MYO1B: variants seen among roughly 807,000 people sequenced by gnomAD.
MYO1B encodes the protein myosin IB, also known as unconventional myosin-Ib.
Under a neutral mutation model 159.7 loss-of-function variants are expected in MYO1B, and 72 were observed. The ratio of observed to expected loss-of-function variants is 0.45; its 90% CI spans 0.37 to 0.55. The LOEUF (loss-of-function observed/expected upper bound fraction) is 0.55. Ranked by LOEUF, MYO1B falls within the 20% of genes least tolerant of loss-of-function variation. The pLI, the probability that MYO1B is intolerant of heterozygous loss-of-function variation, is 0.00. For synonymous variants in MYO1B, 468 were observed against 473.8 expected (o/e 0.99, Z 0.16); for missense variants, 1,062 against 1,364.8 (o/e 0.78, Z 3.50).
chr2:191,403,647 G>C (rs904703338), intron 24 of MYO1B, among the ~76,000 whole-genome samples: 2 of 152,014 alleles, frequency 1.3e-5, no homozygotes, highest in African/African-American at 4.8e-5. Context: ...ATCCTGCTTT[G>C]AACAATCTGC....
intron 6 of MYO1B, 43 bp from the exon 7 acceptor site, chr2:191,350,118 AT>A: frequency 6.6e-7 from 1 of 1,523,386 alleles, no homozygotes. Context: ...CTGAGTTAAC[AT>A]TTTGAGATGA....
chr2:191,392,234 A>C, intron 19 of MYO1B, 33 bp downstream of exon 19: 1 of 1,503,128 alleles, frequency 6.7e-7, no homozygotes, highest in Non-Finnish European at 9.1e-7. Flanking sequence ...CTCTGAACTT[A>C]AGTTGGAATC....
chr2:191,384,046 T>G (rs528894326), intron 15 of MYO1B, among the ~76,000 whole-genome samples: 1 of 152,326 alleles, frequency 6.6e-6, no homozygotes, highest in Middle Eastern at 3.4e-3. Flanking sequence ...CTGGAATTTT[T>G]CGGATGACCC....
chr2:191,305,403 G>T (rs1468296796), intron 3 of MYO1B, among the ~76,000 whole-genome samples: 1 of 152,184 alleles, frequency 6.6e-6, no homozygotes, highest in Non-Finnish European at 1.5e-5. Context: ...GCGGAACTGA[G>T]GGTGGTGATG....
At chr2:191,311,095 A>G (rs1689975264) in intron 3 of MYO1B, among the ~76,000 whole-genome samples, 1 of 152,322 alleles carries the variant, frequency 6.6e-6, no homozygotes, top group South Asian at 2.1e-4. Context: ...CATTGGATGC[A>G]TAGGTGATCA....
chr2:191,296,460 T>A (rs1688991408), intron 3 of MYO1B, among the ~76,000 whole-genome samples: 1 of 152,224 alleles, frequency 6.6e-6, no homozygotes, highest in African/African-American at 2.4e-5. Flanking sequence ...GTAAAATATT[T>A]TCTGTTCAAA....
intron 30 of MYO1B, among the ~76,000 whole-genome samples, chr2:191,419,412 G>A (rs1697792684): frequency 6.6e-6 from 1 of 152,062 alleles, no homozygotes; most frequent in African/African-American, 2.4e-5. Flanking sequence ...TAGAGGTGGG[G>A]TTTCATCGTG....
chr2:191,292,761 T>C (rs1688760322), intron 2 of MYO1B, among the ~76,000 whole-genome samples: 1 of 148,170 alleles, frequency 6.7e-6, no homozygotes, highest in Non-Finnish European at 1.5e-5. Context: ...CTTAGGATTT[T>C]ATTTTTGGTT....
chr2:191,302,050 G>C (rs1439351762), intron 3 of MYO1B, among the ~76,000 whole-genome samples: 1 of 152,144 alleles, frequency 6.6e-6, no homozygotes, highest in African/African-American at 2.4e-5. Context: ...TTGAGCCAGA[G>C]CCATTCATGT....
In MYO1B at chr2:191,345,925, C is replaced by G. The variant is rs573213551; in HGVS notation, c.452-311C>G. 4.6e-5 allele frequency among the ~76,000 whole-genome samples: 7 copies of G among 152,254 alleles called. No homozygotes were observed. The South Asian group carries it at 8.3e-4, about 18-fold the overall frequency. ...AGCATGAAGCTTTGCTTCCTGGTCA[C>G]TCAATTGACTACTCTCTAGAAGTGT... On this transcript the variant is annotated intron_variant, in intron 5 of 30. Transcript: ENST00000392318.
At chr2:191,372,868 C>T (rs1223925689) in intron 13 of MYO1B, among the ~76,000 whole-genome samples, 1 of 135,608 alleles carries the variant, frequency 7.4e-6, no homozygotes, top group Non-Finnish European at 1.5e-5. Flanking sequence ...AAAATGCCTG[C>T]GTTATATTTC....
chr2:191,266,407 T>C (rs1395400402), intron 1 of MYO1B, among the ~76,000 whole-genome samples: 17 of 152,216 alleles, frequency 1.1e-4, no homozygotes, highest in Admixed American at 1.1e-3. Flanking sequence ...CCAGCCTGGG[T>C]CTGTGGCTCC....
intron 30 of MYO1B, among the ~76,000 whole-genome samples, chr2:191,418,732 G>GC (rs1395556630): frequency 3.9e-5 from 6 of 151,982 alleles, no homozygotes; most frequent in African/African-American, 1.2e-4. Context: ...CAGGTGATCC[G>GC]CCCCCCTGGG....
chr2:191,301,688 C>T (rs1212052923), intron 3 of MYO1B, among the ~76,000 whole-genome samples: 3 of 152,162 alleles, frequency 2.0e-5, no homozygotes, highest in Non-Finnish European at 2.9e-5. Context: ...AAATCTAAAA[C>T]ACTTCTACTC....
At chr2:191,302,215 C>T (rs1689378295) in intron 3 of MYO1B, among the ~76,000 whole-genome samples, 1 of 152,226 alleles carries the variant, frequency 6.6e-6, no homozygotes, top group Admixed American at 6.5e-5. Flanking sequence ...TGGTCGTCAA[C>T]ACACCTCTTC....
intron 3 of MYO1B, among the ~76,000 whole-genome samples, chr2:191,326,027 C>T (rs898713810): frequency 3.3e-5 from 5 of 152,110 alleles, no homozygotes; most frequent in Admixed American, 2.6e-4. Context: ...AACTAGAGGA[C>T]AGAAGAAGAG....
At chr2:191,384,852 C>A (rs1695306826) in intron 15 of MYO1B, among the ~76,000 whole-genome samples, 1 of 152,160 alleles carries the variant, frequency 6.6e-6, no homozygotes, top group Admixed American at 6.5e-5. Flanking sequence ...CACATAGGAA[C>A]CTGGGTATAT....
chr2:191,247,820 T>TCTCTGGC (rs938759019), intron 1 of MYO1B: 2 of 484,100 alleles, frequency 4.1e-6, no homozygotes, highest in African/African-American at 4.2e-5. Flanking sequence ...TGGTCTCTGG[T>TCTCTGGC]CTCTGGCCTC....
intron 2 of MYO1B, among the ~76,000 whole-genome samples, chr2:191,286,730 C>T (rs1688395883): frequency 6.6e-6 from 1 of 152,084 alleles, no homozygotes; most frequent in Admixed American, 6.5e-5. Flanking sequence ...TCGAGGAGTT[C>T]GAGACCAGCC....
Sources: gnomAD v4.1 joint callset for allele counts (sites outside exome capture counted in the v4.1 genomes callset) on GRCh38, gnomAD v4.1.1 for gene constraint, MANE v1.5 for transcripts, NCBI Gene and HGNC (gene_info 2026-07-23, HGNC 2026-07-21) for gene names.